The following ITGA2 variants were observed in gnomAD, a reference collection of about 807,000 sequenced individuals.
The protein encoded by ITGA2 is integrin alpha-2.
A neutral mutation model predicts 146.3 loss-of-function variants in ITGA2; 101 were observed. That is an observed-to-expected ratio of 0.69 (90% CI 0.59 to 0.81). The LOEUF is 0.81. ITGA2 is among the 40% of genes least tolerant of loss of function. The pLI, the probability that ITGA2 is intolerant of heterozygous loss-of-function variation, is 0.00. For missense variants in ITGA2, 1,281 were observed against 1,402.7 expected (o/e 0.91, Z 1.39); for synonymous variants, 477 against 487.1 (o/e 0.98, Z 0.27).
chr5:53,047,144 C>A (rs917420108), intron 4 of ITGA2, among the ~76,000 whole-genome samples: 2 of 152,122 alleles, frequency 1.3e-5, no homozygotes, highest in Admixed American at 1.3e-4. Flanking sequence ...AGCTGCTTCC[C>A]CTTTGACAGT....
intron 1 of ITGA2, among the ~76,000 whole-genome samples, chr5:53,017,467 A>G (rs1205139859): frequency 1.3e-5 from 2 of 152,192 alleles, no homozygotes; most frequent in South Asian, 2.1e-4. Context: ...GGAGGGGCCA[A>G]AGTGTTCATG....
chr5:53,008,985 A>G (rs1386078403), intron 1 of ITGA2, among the ~76,000 whole-genome samples: 1 of 151,468 alleles, frequency 6.6e-6, no homozygotes, highest in African/African-American at 2.4e-5. Flanking sequence ...CCCTTTCCCC[A>G]CTCTAGTCTC....
chr5:53,090,565 A>G lies in ITGA2; in HGVS notation c.3512A>G (p.Asp1171Gly). 6.2e-7 allele frequency: 1 copy of G among 1,614,098 alleles called. No individual in the cohort carries two copies. Among genetic ancestry groups the G allele is most frequent in the Non-Finnish European group, 8.5e-7 (1 of 1,179,992 alleles). The change falls in exon 30 of 30, where the codon GAT becomes GGT. Residue 1171 changes from aspartate (D) to glycine (G), a missense_variant. This residue lies in a region of ITGA2 where 475 missense variants were observed against 530.5 expected (regional missense o/e 0.90). Coordinates refer to ENST00000296585, the MANE Select transcript of ITGA2 (RefSeq NM_002203.4). ...RKYEKMTKNP[D>G]EIDETTELSS ...TATGAAAAGATGACCAAAAATCCAG[A>G]TGAGATTGATGAGACCACAGAGCTC...
At chr5:53,044,119 C>CA (rs1274359439) in intron 3 of ITGA2, among the ~76,000 whole-genome samples, 10 of 151,206 alleles carry the variant, frequency 6.6e-5, no homozygotes, top group Middle Eastern at 3.5e-3. Context: ...TACTAAAATA[C>CA]AAAAAATTAT....
At chr5:52,990,447 T>C (rs1405123246) in intron 1 of ITGA2, among the ~76,000 whole-genome samples, 6 of 152,118 alleles carry the variant, frequency 3.9e-5, no homozygotes, top group Non-Finnish European at 8.8e-5. Context: ...AGCTAGAGTG[T>C]GGTCAAATTT....
chr5:53,006,215 TTAAAA>T (rs1167660889), intron 1 of ITGA2, among the ~76,000 whole-genome samples: 3 of 152,052 alleles, frequency 2.0e-5, no homozygotes, highest in African/African-American at 7.2e-5. Context: ...ATCCCAGAAC[TTAAAA>T]TAAAAAGTTA....
intron 23 of ITGA2, among the ~76,000 whole-genome samples, chr5:53,076,402 A>G (rs963458804): frequency 3.9e-5 from 6 of 152,070 alleles, no homozygotes; most frequent in African/African-American, 1.4e-4. Flanking sequence ...GCTTGAGCCA[A>G]ACAGCAAAGA....
rs1745637025 is a variant in ITGA2 at position 53,075,811 on chromosome 5, C to T, written c.2825+507C>T. Among the ~76,000 whole-genome samples, 3 of 151,922 alleles carry T rather than the reference C, an allele frequency of 2.0e-5. No individual in the cohort carries two copies. The South Asian group carries it at 6.2e-4, about 31-fold the overall frequency. On this transcript the variant is annotated intron_variant, in intron 23 of 29. Transcript: ENST00000296585. The stretch of plus-strand genomic sequence containing the variant: ...TTCAAATATTGGAACTAGATCAAGT[C>T]TAGTTTCTGAGGGAAAAATTCCTCA...
At position 53,074,488 on chromosome 5, in the gene ITGA2, C is replaced by T. The variant is rs1238737664; in HGVS notation, c.2664+11C>T. On this transcript the variant is annotated intron_variant, in intron 21 of 29. Coordinates refer to ENST00000296585, the MANE Select transcript of ITGA2 (RefSeq NM_002203.4). ...AAGAGAGAACAACAGGTACAACTTG[C>T]ATTTCATCCTCCAATCCATACAAGC... is the stretch of plus-strand genomic sequence containing the variant. The T allele has an allele frequency of 1.9e-6, 3 of 1,597,652 alleles. No individual in the cohort carries two copies. In the East Asian group the frequency reaches 6.7e-5, roughly 36 times the overall value.
intron 27 of ITGA2, 24 bp downstream of exon 27, chr5:53,083,477 G>T: frequency 7.5e-7 from 1 of 1,332,092 alleles, no homozygotes; most frequent in South Asian, 1.2e-5. Context: ...TTATTTGTTA[G>T]ATTTATCAAT....
intron 16 of ITGA2, among the ~76,000 whole-genome samples, chr5:53,067,615 A>G (rs951456158): frequency 1.3e-4 from 20 of 151,952 alleles, no homozygotes; most frequent in Non-Finnish European, 2.9e-4. Context: ...CATGTTGGCT[A>G]TGCCATGATC....
intron 12 of ITGA2, among the ~76,000 whole-genome samples, chr5:53,061,859 T>C (rs1354714875): frequency 2.0e-5 from 3 of 152,054 alleles, no homozygotes; most frequent in Admixed American, 1.3e-4. Flanking sequence ...TCCTATGGAT[T>C]TTCTAGGAGT....
chr5:53,048,121 C>G (rs577153036), intron 4 of ITGA2, among the ~76,000 whole-genome samples: 1 of 152,294 alleles, frequency 6.6e-6, no homozygotes, highest in East Asian at 1.9e-4. Context: ...CCTTCACTGA[C>G]ACCTGCTCCC....
At chr5:53,072,824 AC>A (rs1222060422) in intron 19 of ITGA2, 129 bp downstream of exon 19, 7 of 826,688 alleles carry the variant, frequency 8.5e-6, no homozygotes, top group Non-Finnish European at 1.3e-5. Context: ...ACCTTTAAAA[AC>A]TAAATTTCAA....
chr5:53,004,205 T>C (rs560630095), intron 1 of ITGA2, among the ~76,000 whole-genome samples: 15 of 152,218 alleles, frequency 9.9e-5, no homozygotes, highest in Admixed American at 9.2e-4. Context: ...TGAGCACCAC[T>C]GCACTAAATG....
In ITGA2 at chr5:53,090,883, T is replaced by C. The variant is rs920132711; in HGVS notation, c.*284T>C. ...GCTGGCCCAGAGTTTACATTCTAAT[T>C]TGCATTGTGTCAGAAACATGAAATG... On this transcript the variant is annotated 3_prime_UTR_variant, in exon 30 of 30. Transcript: ENST00000296585. The C allele has an allele frequency of 3.1e-5, 18 of 587,926 alleles. No homozygotes were observed. In the African/African-American group the frequency reaches 3.2e-4, roughly 10 times the overall value. 36.4% of individuals were successfully genotyped at this position (587,926 alleles called of 1,614,324 possible). A position where few individuals can be genotyped will look rare whatever the true frequency, so the allele number is the denominator to read the frequency against.
chr5:53,039,371 C>T (rs1197442680), intron 2 of ITGA2, among the ~76,000 whole-genome samples: 1 of 152,114 alleles, frequency 6.6e-6, no homozygotes, highest in Non-Finnish European at 1.5e-5. Context: ...ACAGATGACA[C>T]AATAACACAA....
intron 4 of ITGA2, among the ~76,000 whole-genome samples, chr5:53,045,452 G>A (rs1561118260): frequency 6.6e-6 from 1 of 152,066 alleles, no homozygotes; most frequent in Non-Finnish European, 1.5e-5. Flanking sequence ...AAGTATTTTT[G>A]GTTTTTAATC....
intron 10 of ITGA2, 49 bp from the exon 11 acceptor site, chr5:53,059,825 G>A: frequency 6.3e-7 from 1 of 1,583,918 alleles, no homozygotes; most frequent in Non-Finnish European, 8.6e-7. Flanking sequence ...GCATTCTTAT[G>A]TTTTAAAGGT....
Sources: allele counts gnomAD v4.1 joint callset (sites outside exome capture counted in the v4.1 genomes callset), GRCh38; gene constraint gnomAD v4.1.1; regional missense constraint gnomAD v4.1.1; transcripts MANE v1.5; gene names NCBI Gene and HGNC (gene_info 2026-07-23, HGNC 2026-07-21).